The following ZNF808 variants were observed in gnomAD, a reference collection of about 807,000 sequenced individuals.
ZNF808 encodes the protein zinc finger protein 808.
A neutral mutation model predicts 8.7 loss-of-function variants in ZNF808; 5 were observed. That is an observed-to-expected ratio of 0.58 (90% CI 0.30 to 1.21). ZNF808 has a LOEUF of 1.21. Among genes scored for constraint, ZNF808 ranks in the 50% most tolerant of loss-of-function variants. The pLI, the probability that ZNF808 is intolerant of heterozygous loss-of-function variation, is 0.07. For missense variants in ZNF808, 1,103 were observed against 1,098.4 expected (o/e 1.00, Z -0.06); for synonymous variants, 380 against 366.0 (o/e 1.04, Z -0.44).
At chr19:52,561,242 AC>A (rs2059857284), downstream of ZNF808, among the ~76,000 whole-genome samples, 1 of 110,758 alleles carries the variant, frequency 9.0e-6, no homozygotes, top group East Asian at 2.9e-4. Context: ...ATATATATAC[AC>A]TTTTTTTATT....
intron 1 of ZNF808, among the ~76,000 whole-genome samples, chr19:52,530,061 GC>G (rs911507515): frequency 7.9e-5 from 12 of 151,014 alleles, no homozygotes; most frequent in African/African-American, 2.9e-4. Context: ...GGCCTACATA[GC>G]CCCCCCCTTT....
chr19:52,540,097 C>T (rs1410943221), intron 2 of ZNF808, among the ~76,000 whole-genome samples: 1 of 151,284 alleles, frequency 6.6e-6, no homozygotes, highest in Non-Finnish European at 1.5e-5. Flanking sequence ...CTGCAAACTC[C>T]GCCTCCTGGG....
chr19:52,545,328 G>A (rs1014435663), intron 3 of ZNF808, among the ~76,000 whole-genome samples: 42 of 152,132 alleles, frequency 2.8e-4, no homozygotes, highest in African/African-American at 1.0e-3. Flanking sequence ...CCACCACGTG[G>A]GTAACGCCAT....
intron 2 of ZNF808, chr19:52,535,893 G>C (rs1365372129): frequency 1.3e-5 from 2 of 152,082 alleles, no homozygotes; most frequent in African/African-American, 4.8e-5. Context: ...GCCCTCTGTC[G>C]GTTCTAAAGG....
At chr19:52,561,158 TTCTCTCTCTCTCTCTC>T (rs1191860993), downstream of ZNF808, among the ~76,000 whole-genome samples, 144 of 52,598 alleles carry the variant, frequency 2.7e-3, 1 homozygote, top group East Asian at 6.0e-3. Flanking sequence ...CTTCTATCTG[TTCTCTCTCTCTCTCTC>T]TCTCTCTCTC....
chr19:52,540,663 T>G (rs1049832835), intron 2 of ZNF808, among the ~76,000 whole-genome samples: 1 of 152,162 alleles, frequency 6.6e-6, no homozygotes, highest in Non-Finnish European at 1.5e-5. Context: ...TTCCCTCTGG[T>G]CCATAATATT....
At position 52,554,396 on chromosome 19, in the gene ZNF808, C is replaced by T. The variant is rs139184362; in HGVS notation, c.1480C>T (p.Arg494Cys). 4.6e-5 allele frequency: 74 copies of T among 1,613,462 alleles called. No homozygotes were observed. The East Asian group carries it at 1.4e-3, about 30-fold the overall frequency. ...KCNECRKTFS[R>C]RSSLLCHRRL... ...TAATGAGTGTCGCAAGACCTTCAGC[C>T]GCAGGTCATCCCTTCTATGCCATCG... The change falls in exon 5 of 5, where the codon CGC (arginine) becomes TGC (cysteine). Residue 494 changes from arginine (R) to cysteine (C), a missense_variant. Coordinates refer to ENST00000359798, the MANE Select transcript of ZNF808 (RefSeq NM_001039886.4).
intron 2 of ZNF808, among the ~76,000 whole-genome samples, chr19:52,539,018 G>A (rs2059641488): frequency 6.6e-6 from 1 of 152,028 alleles, no homozygotes; most frequent in Non-Finnish European, 1.5e-5. Flanking sequence ...CATTCGTTGT[G>A]GATCACCCTC....
chr19:52,548,584 G>C (rs1030818404), intron 4 of ZNF808, among the ~76,000 whole-genome samples: 1 of 152,074 alleles, frequency 6.6e-6, no homozygotes, highest in African/African-American at 2.4e-5. Flanking sequence ...CACCACACCC[G>C]GGTAATTTTT....
chr19:52,536,237 C>T (rs1254355934), intron 2 of ZNF808, among the ~76,000 whole-genome samples: 2 of 152,208 alleles, frequency 1.3e-5, no homozygotes, highest in Non-Finnish European at 2.9e-5. Context: ...AGGCTGGTCC[C>T]AACCCCGGTC....
Position 52,555,763 on chromosome 19 carries a change from T to C in ZNF808, c.*135T>C. 1 of 1,302,832 alleles carries C rather than the reference T, an allele frequency of 7.7e-7. No individual in the cohort carries two copies. Among genetic ancestry groups the C allele is most frequent in the Non-Finnish European group, 1.1e-6 (1 of 924,234 alleles). The allele number at this position is 1,302,832 out of a possible 1,614,324, so 80.7% of individuals were successfully genotyped here. The stretch of plus-strand genomic sequence containing the variant: ...GACATTGTTCATACATTGCAGTTCA[T>C]TGGCAACCTCATACTGGAGAGAAAC... On this transcript the variant is annotated 3_prime_UTR_variant, in exon 5 of 5. Coordinates refer to ENST00000359798, the MANE Select transcript of ZNF808 (RefSeq NM_001039886.4).
At chr19:52,532,455 G>T (rs2059569387) in intron 1 of ZNF808, among the ~76,000 whole-genome samples, 2 of 152,032 alleles carry the variant, frequency 1.3e-5, no homozygotes, top group Non-Finnish European at 2.9e-5. Flanking sequence ...AATTTCAATT[G>T]ATTTTGGTTA....
chr19:52,561,614 C>G (rs2123227628), intron 3 of ZNF808, among the ~76,000 whole-genome samples: 1 of 151,270 alleles, frequency 6.6e-6, no homozygotes, highest in Admixed American at 6.6e-5. Flanking sequence ...ATGGCGCAAT[C>G]TCGGCTCACC....
intron 2 of ZNF808, among the ~76,000 whole-genome samples, chr19:52,533,674 T>G (rs4802972): frequency 0.32 from 48,014 of 151,048 alleles, 8,346 homozygotes; most frequent in East Asian, 0.5. Flanking sequence ...ACAAACATGT[T>G]GAAACCCTGT....
At chr19:52,561,286 G>A (rs886466924), downstream of ZNF808, among the ~76,000 whole-genome samples, 1 of 148,556 alleles carries the variant, frequency 6.7e-6, no homozygotes, top group African/African-American at 2.5e-5. Flanking sequence ...TGTGCACAAC[G>A]TGCAGGTTTG....
At chr19:52,540,343 AT>A (rs751861626) in intron 2 of ZNF808, among the ~76,000 whole-genome samples, 15 of 152,196 alleles carry the variant, frequency 9.9e-5, no homozygotes, top group Admixed American at 2.6e-4. Context: ...ATTTTCAAAT[AT>A]TTCTCCTTTG....
At chr19:52,546,072 C>T (rs1435384752) in intron 3 of ZNF808, among the ~76,000 whole-genome samples, 2 of 152,066 alleles carry the variant, frequency 1.3e-5, no homozygotes, top group Admixed American at 6.6e-5. Context: ...ACAGATCTTT[C>T]TTCATGGGAC....
At chr19:52,542,392 G>A (rs973544208) in intron 2 of ZNF808, among the ~76,000 whole-genome samples, 8 of 152,164 alleles carry the variant, frequency 5.3e-5, no homozygotes, top group African/African-American at 1.7e-4. Context: ...CTTTTCCTGG[G>A]GCTGAGGTTG....
At chr19:52,533,842 CCAAAAAAAAA>C (rs1272885830) in intron 2 of ZNF808, among the ~76,000 whole-genome samples, 86 of 55,250 alleles carry the variant, frequency 1.6e-3, no homozygotes, top group African/African-American at 6.0e-3. Flanking sequence ...GACTCCGTCT[CCAAAAAAAAA>C]AAAAAAAAAA....
Sources: allele counts gnomAD v4.1 joint callset (sites outside exome capture counted in the v4.1 genomes callset), GRCh38; gene constraint gnomAD v4.1.1; transcripts MANE v1.5; gene names NCBI Gene and HGNC (gene_info 2026-07-23, HGNC 2026-07-21).